SYNRG: variants seen among roughly 807,000 people sequenced by gnomAD.
The protein encoded by SYNRG is AP1 gamma subunit binding protein 1.
A neutral mutation model predicts 130.9 loss-of-function variants in SYNRG; 37 were observed. The ratio of observed to expected loss-of-function variants is 0.28; its 90% CI spans 0.22 to 0.37. The LOEUF (loss-of-function observed/expected upper bound fraction) is 0.37. Ranked by LOEUF, SYNRG falls within the 10% of genes least tolerant of loss-of-function variation. The pLI, the probability that SYNRG is intolerant of heterozygous loss-of-function variation, is 1.00. For synonymous variants in SYNRG, 539 were observed against 568.1 expected, an observed-to-expected ratio of 0.95 and a Z score of 0.73; for missense variants, 1,338 against 1,588.9, an observed-to-expected ratio of 0.84 and a Z score of 2.68.
intron 19 of SYNRG, among the ~76,000 whole-genome samples, chr17:37,523,748 AG>A (rs2055450498): frequency 6.6e-6 from 1 of 152,212 alleles, no homozygotes; most frequent in African/African-American, 2.4e-5. Flanking sequence ...CAGTGGGTCA[AG>A]GTGGGGGGAG....
At chr17:37,551,218 A>C (rs2058683201) in intron 14 of SYNRG, among the ~76,000 whole-genome samples, 1 of 152,212 alleles carries the variant, frequency 6.6e-6, no homozygotes, top group African/African-American at 2.4e-5. Flanking sequence ...ATGAGGATAA[A>C]ATAAAACTAC....
intron 19 of SYNRG, among the ~76,000 whole-genome samples, chr17:37,522,134 T>TACACACACGCACACACACACAC (rs2055153058): frequency 6.9e-6 from 1 of 145,036 alleles, no homozygotes. Flanking sequence ...TCTAATTCAC[T>TACACACACGCACACACACACAC]ACACACACAC....
chr17:37,517,862 A>G lies in SYNRG; in HGVS notation c.*1078T>C, dbSNP rs973439486. 5 of 152,196 alleles carry G rather than the reference A, an allele frequency of 3.3e-5. No individual in the cohort carries two copies. Among genetic ancestry groups the G allele is most frequent in the African/African-American group, 4.8e-5 (2 of 41,466 alleles). 9.4% of individuals were successfully genotyped at this position (152,196 alleles called of 1,614,324 possible). On this transcript the variant is annotated 3_prime_UTR_variant, in exon 22 of 22. Coordinates refer to ENST00000612223, the MANE Select transcript of SYNRG (RefSeq NM_007247.6). ...CCCCTAATTTTATGCATTCACATTA[A>G]ATGGCAAAGACAATTCCCTACTCCA...
chr17:37,522,150 C>T (rs190540687), intron 19 of SYNRG, among the ~76,000 whole-genome samples: 1 of 151,942 alleles, frequency 6.6e-6, no homozygotes, highest in African/African-American at 2.4e-5. Flanking sequence ...CACACACACA[C>T]ACACACAATG....
chr17:37,535,304 A>G lies in SYNRG; in HGVS notation c.3666+675T>C, dbSNP rs147335134. On this transcript the variant is annotated intron_variant, in intron 19 of 21. Coordinates refer to ENST00000612223, the MANE Select transcript of SYNRG (RefSeq NM_007247.6). ...AAAAAATACCTTAGGGAATAATTGC[A>G]TGCTTGTTAAATTAAGAAATTGATA... Among the ~76,000 whole-genome samples, 501 of 152,350 alleles carry G rather than the reference A, an allele frequency of 3.3e-3. 4 individuals are homozygous for G. The highest frequency in any genetic ancestry group is 0.011 in the African/African-American group (473 of 41,596).
At position 37,542,486 on chromosome 17, in the gene SYNRG, C is replaced by T. The variant is rs2057852435; in HGVS notation, c.2688G>A (p.Trp896Ter). 6.2e-7 allele frequency: 1 copy of T among 1,613,784 alleles called. No homozygotes were observed. The highest frequency in any genetic ancestry group is 8.5e-7 in the Non-Finnish European group (1 of 1,180,024). ...CCTGAGTTGCATCATCCCTGTCTGACCAGTCATAGCTTGTAAGTGTGCTCA... is the reference window on the plus strand; with the variant it reads ...CCTGAGTTGCATCATCCCTGTCTGATCAGTCATAGCTTGTAAGTGTGCTCA... ...FAVSTLTSYD[W>*]SDRDDATQGR... The change falls in exon 15 of 22, where the codon TGG becomes TGA. Residue 896 changes from tryptophan to a stop codon, truncating the protein, a stop_gained. Coordinates refer to ENST00000612223, the MANE Select transcript of SYNRG (RefSeq NM_007247.6). LOFTEE classifies it high-confidence loss of function.
Position 37,514,951 on chromosome 17 carries a change from A to G in SYNRG, c.*3989T>C, listed in dbSNP as rs866194623. 11 of 152,186 alleles carry G rather than the reference A, an allele frequency of 7.2e-5. No individual in the cohort carries two copies. Among genetic ancestry groups the G allele is most frequent in the Admixed American group, 4.6e-4 (7 of 15,274 alleles). 9.4% of individuals were successfully genotyped at this position (152,186 alleles called of 1,614,324 possible). ...TTTATTAAAATACAAACAAGGGAGA[A>G]ACCACACCATCTTTTAAAATACAGG... is the stretch of plus-strand genomic sequence containing the variant. On this transcript the variant is annotated 3_prime_UTR_variant, in exon 22 of 22. Coordinates refer to ENST00000612223, the MANE Select transcript of SYNRG (RefSeq NM_007247.6).
intron 17 of SYNRG, 150 bp from the exon 18 acceptor site, chr17:37,538,570 G>A: frequency 1.6e-6 from 1 of 608,336 alleles, no homozygotes; most frequent in Middle Eastern, 2.7e-4. Flanking sequence ...TTCTCTGGAA[G>A]AGAAAATATG....
intron 19 of SYNRG, among the ~76,000 whole-genome samples, chr17:37,524,752 C>T (rs2055617736): frequency 6.6e-6 from 1 of 152,216 alleles, no homozygotes; most frequent in African/African-American, 2.4e-5. Context: ...ATAAAACATG[C>T]TCTGGAAGTG....
At chr17:37,539,160 CAT>C in intron 17 of SYNRG, 30 bp downstream of exon 17, 1 of 1,612,732 alleles carries the variant, frequency 6.2e-7, no homozygotes, top group Non-Finnish European at 8.5e-7. Context: ...AGAGCACTCA[CAT>C]ATGTGTGAAC....
chr17:37,553,225 G>A lies in SYNRG; in HGVS notation c.2498C>T (p.Ser833Phe), dbSNP rs1330839911. The A allele has an allele frequency of 6.2e-7, 1 of 1,614,068 alleles. No individual in the cohort carries two copies. Among genetic ancestry groups the A allele is most frequent in the Non-Finnish European group, 8.5e-7 (1 of 1,179,996 alleles). Residue 833 changes from serine (S) to phenylalanine (F), a missense_variant, in exon 14 of 22, where the codon TCT becomes TTT. Transcript: ENST00000612223. ...AGCCAATTTCATGTCAAACTGAACA[G>A]AGAGTGCATCTTCAGAGTCCTCCTT... Reference protein sequence around the residue: ...VGKEDSEDALSVQFDMKLADV... With the variant: ...VGKEDSEDALFVQFDMKLADV...
At position 37,551,973 on chromosome 17, in the gene SYNRG, G is replaced by A. The variant is rs114407615; in HGVS notation, c.2608+1142C>T. ...AAAATACCTTAGCAAGTAGCAACAT[G>A]AAACATGCAATGTCTCTGCTAACTT... is the stretch of plus-strand genomic sequence containing the variant. On this transcript the variant is annotated intron_variant, in intron 14 of 21. Coordinates refer to ENST00000612223, the MANE Select transcript of SYNRG (RefSeq NM_007247.6). 2.0e-5 allele frequency among the ~76,000 whole-genome samples: 3 copies of A among 151,852 alleles called. No individual in the cohort carries two copies. In the South Asian group the frequency reaches 6.2e-4, roughly 32 times the overall value.
chr17:37,579,021 T>G, intron 6 of SYNRG: 1 of 772,706 alleles, frequency 1.3e-6, no homozygotes, highest in Non-Finnish European at 1.6e-6. Context: ...CAGTCATACA[T>G]TTATGTGCAT....
intron 6 of SYNRG, among the ~76,000 whole-genome samples, chr17:37,579,993 A>G (rs971565637): frequency 6.6e-6 from 1 of 152,042 alleles, no homozygotes; most frequent in African/African-American, 2.4e-5. Flanking sequence ...TTTTCCCCTG[A>G]GACCATTAAT....
At chr17:37,550,213 C>T (rs2058606317) in intron 14 of SYNRG, among the ~76,000 whole-genome samples, 1 of 152,082 alleles carries the variant, frequency 6.6e-6, no homozygotes, top group Non-Finnish European at 1.5e-5. Flanking sequence ...GAAGAAACTG[C>T]AATAAATGTT....
intron 6 of SYNRG, chr17:37,584,411 A>G (rs1382403610): frequency 1.0e-5 from 4 of 400,110 alleles, no homozygotes; most frequent in Non-Finnish European, 1.8e-5. Flanking sequence ...TTACAGGTGA[A>G]ATTGTCATAC....
In SYNRG at chr17:37,520,153, T is replaced by G. The variant is rs200278941; in HGVS notation, c.3813+26A>C. On this transcript the variant is annotated intron_variant, in intron 21 of 21. Coordinates refer to ENST00000612223, the MANE Select transcript of SYNRG (RefSeq NM_007247.6). Reference sequence around the variant, plus strand: ...ACACTCAAAATTAAAATGGAGACGCTAAGATAAGGTGTAACTGGTTCATAC... The same window carrying G: ...ACACTCAAAATTAAAATGGAGACGCGAAGATAAGGTGTAACTGGTTCATAC... 9.3e-6 allele frequency: 15 copies of G among 1,614,006 alleles called. No individual in the cohort carries two copies. In the Admixed American group the frequency reaches 2.3e-4, roughly 25 times the overall value.
chr17:37,561,848 T>C (rs2059557498), intron 11 of SYNRG, among the ~76,000 whole-genome samples: 1 of 150,952 alleles, frequency 6.6e-6, no homozygotes, highest in Non-Finnish European at 1.5e-5. Context: ...GTCAGATCCA[T>C]GCTGACTGTC....
chr17:37,582,012 C>T (rs1598497731), intron 6 of SYNRG, among the ~76,000 whole-genome samples: 1 of 152,258 alleles, frequency 6.6e-6, no homozygotes, highest in South Asian at 2.1e-4. Flanking sequence ...ATCCACCCAC[C>T]TCGGCCTCCC....
Sources: gnomAD v4.1 joint callset for allele counts (sites outside exome capture counted in the v4.1 genomes callset) on GRCh38, gnomAD v4.1.1 for gene constraint, MANE v1.5 for transcripts, NCBI Gene and HGNC (gene_info 2026-07-23, HGNC 2026-07-21) for gene names.